The following FCHSD2 variants were observed in gnomAD, a reference collection of about 807,000 sequenced individuals.
The protein encoded by FCHSD2 is FCH and double SH3 domains 2, also known as F-BAR and double SH3 domains protein 2.
In FCHSD2, 38 loss-of-function variants were observed where a neutral mutation model predicts 108.1. The ratio of observed to expected loss-of-function variants is 0.35; its 90% confidence interval spans 0.27 to 0.46. The LOEUF (loss-of-function observed/expected upper bound fraction) is 0.46. FCHSD2 is among the 20% of genes least tolerant of loss of function. The pLI is 1.00. For synonymous variants in FCHSD2, 279 were observed against 314.7 expected (o/e 0.89, Z 1.20); for missense variants, 751 against 897.8 (o/e 0.84, Z 2.09).
intron 14 of FCHSD2, among the ~76,000 whole-genome samples, chr11:72,843,975 T>G (rs902296783): frequency 2.0e-5 from 3 of 151,392 alleles, no homozygotes; most frequent in Non-Finnish European, 4.4e-5. Context: ...GCCACTGCAC[T>G]CCAGCCTGGG....
intron 10 of FCHSD2, among the ~76,000 whole-genome samples, chr11:72,891,396 A>G (rs769295673): frequency 2.0e-5 from 3 of 152,220 alleles, no homozygotes; most frequent in Non-Finnish European, 2.9e-5. Flanking sequence ...AACAATGACA[A>G]ATAAATTGAA....
At chr11:72,841,317 C>G (rs1298241298) in intron 18 of FCHSD2, 137 bp downstream of exon 18, 1 of 911,838 alleles carries the variant, frequency 1.1e-6, no homozygotes, top group African/African-American at 1.9e-5. Context: ...GGTGTCCAGC[C>G]CAGGTGACAG....
At chr11:72,935,939 A>C (rs548944467) in intron 8 of FCHSD2, among the ~76,000 whole-genome samples, 2 of 152,362 alleles carry the variant, frequency 1.3e-5, no homozygotes, top group South Asian at 4.1e-4. Context: ...AGATGTCTGA[A>C]AAAGGTCTGC....
intron 3 of FCHSD2, among the ~76,000 whole-genome samples, chr11:73,025,198 C>T (rs1472887456): frequency 2.6e-5 from 4 of 152,114 alleles, no homozygotes; most frequent in African/African-American, 9.7e-5. Context: ...CATATGTTCA[C>T]TGCAACACTA....
chr11:73,054,396 T>C (rs1305077853), intron 3 of FCHSD2, among the ~76,000 whole-genome samples: 1 of 152,082 alleles, frequency 6.6e-6, no homozygotes, highest in Non-Finnish European at 1.5e-5. Context: ...AAAAAAGAAA[T>C]TTAAATACCA....
At chr11:72,984,246 G>A (rs373137786) in intron 7 of FCHSD2, 30 bp from the exon 8 acceptor site, 1,377 of 1,605,430 alleles carry the variant, frequency 8.6e-4, no homozygotes, top group Non-Finnish European at 9.3e-4. Context: ...AATAATCAGT[G>A]CAAACTGATA....
intron 8 of FCHSD2, among the ~76,000 whole-genome samples, chr11:72,938,977 A>G (rs770103624): frequency 6.8e-4 from 104 of 152,206 alleles, no homozygotes; most frequent in Non-Finnish European, 1.3e-3. Flanking sequence ...TTTACATTTA[A>G]TAAAAGTGGC....
rs1172509184 is a variant in FCHSD2 at position 72,868,719 on chromosome 11, AAACC to A, written c.1147-697_1147-694del. On this transcript the variant is annotated intron_variant, in intron 12 of 19. Transcript: ENST00000409418. ...CAAACAAACAAACAAACAAACAAAC[AAACC>A]AAGAAACTATATAACCGTCATGAAA... Among the ~76,000 whole-genome samples, 11 of 148,408 alleles carry A rather than the reference AAACC, an allele frequency of 7.4e-5. No homozygotes were observed. The East Asian group carries it at 2.2e-3, about 29-fold the overall frequency.
chr11:73,125,618 C>G (rs1479707970), intron 2 of FCHSD2, among the ~76,000 whole-genome samples: 2 of 151,902 alleles, frequency 1.3e-5, no homozygotes, highest in South Asian at 2.1e-4. Flanking sequence ...GGCAAGAGGA[C>G]TGTTTGAGCT....
intron 4 of FCHSD2, among the ~76,000 whole-genome samples, chr11:73,010,636 G>A (rs1349879242): frequency 2.6e-5 from 4 of 152,326 alleles, no homozygotes; most frequent in African/African-American, 7.2e-5. Flanking sequence ...GTATCTGTAC[G>A]ATTTCTTTGG....
chr11:72,880,510 A>C lies in FCHSD2; in HGVS notation c.1146+6960T>G, dbSNP rs145624750. Among the ~76,000 whole-genome samples, 479 of 152,322 alleles carry C rather than the reference A, an allele frequency of 3.1e-3. 2 individuals are homozygous for C. Among genetic ancestry groups the C allele is most frequent in the African/African-American group, 0.011 (452 of 41,560 alleles). ...ACATTGGGGAAAGGACACCCTCTTCAATAAATGCTGCTGGGAAAACTGAAT... is the reference window on the plus strand; with the variant it reads ...ACATTGGGGAAAGGACACCCTCTTCCATAAATGCTGCTGGGAAAACTGAAT... On this transcript the variant is annotated intron_variant, in intron 12 of 19. Coordinates refer to ENST00000409418, the MANE Select transcript of FCHSD2 (RefSeq NM_014824.3).
At chr11:72,880,736 C>T (rs918799412) in intron 12 of FCHSD2, among the ~76,000 whole-genome samples, 4 of 151,562 alleles carry the variant, frequency 2.6e-5, no homozygotes, top group East Asian at 3.9e-4. Flanking sequence ...GGCAACATAG[C>T]GAAACCCCAT....
intron 10 of FCHSD2, among the ~76,000 whole-genome samples, chr11:72,898,923 T>G (rs1855473853): frequency 6.6e-6 from 1 of 151,906 alleles, no homozygotes; most frequent in African/African-American, 2.4e-5. Flanking sequence ...TATTATTTTT[T>G]TTTTAGAGAA....
At chr11:72,858,548 G>C (rs1861485170) in intron 13 of FCHSD2, among the ~76,000 whole-genome samples, 1 of 152,160 alleles carries the variant, frequency 6.6e-6, no homozygotes, top group African/African-American at 2.4e-5. Context: ...ATTCTCATTT[G>C]TAAGTGGAAG....
At chr11:73,049,166 C>T (rs1858834447) in intron 3 of FCHSD2, among the ~76,000 whole-genome samples, 1 of 152,036 alleles carries the variant, frequency 6.6e-6, no homozygotes, top group South Asian at 2.1e-4. Context: ...CATTAAGAAC[C>T]TTTAATGTGA....
At chr11:73,014,763 C>T (rs1183526758) in intron 4 of FCHSD2, among the ~76,000 whole-genome samples, 1 of 152,144 alleles carries the variant, frequency 6.6e-6, no homozygotes, top group Non-Finnish European at 1.5e-5. Context: ...AGGTCACTGA[C>T]TTCTGGGTCC....
chr11:73,075,482 C>T (rs1008455923), intron 3 of FCHSD2, among the ~76,000 whole-genome samples: 2 of 152,116 alleles, frequency 1.3e-5, no homozygotes, highest in Non-Finnish European at 2.9e-5. Context: ...CATTGCAAAA[C>T]GAGAATGCAA....
intron 5 of FCHSD2, among the ~76,000 whole-genome samples, chr11:72,992,396 G>T (rs1470382597): frequency 6.6e-6 from 1 of 152,106 alleles, no homozygotes; most frequent in Non-Finnish European, 1.5e-5. Flanking sequence ...TTTCTTCACA[G>T]AATTGGAAAA....
At chr11:73,121,165 A>G (rs1418052476) in intron 2 of FCHSD2, among the ~76,000 whole-genome samples, 1 of 150,872 alleles carries the variant, frequency 6.6e-6, no homozygotes, top group Non-Finnish European at 1.5e-5. Context: ...TCTCTTATAC[A>G]CATACACATA....
Sources: gnomAD v4.1 joint callset for allele counts (sites outside exome capture counted in the v4.1 genomes callset) on GRCh38, gnomAD v4.1.1 for gene constraint, MANE v1.5 for transcripts, NCBI Gene and HGNC (gene_info 2026-07-23, HGNC 2026-07-21) for gene names.